PCDH15: variants seen among roughly 807,000 people sequenced by gnomAD.
The protein encoded by PCDH15 is protocadherin related 15.
A neutral mutation model predicts 178.5 loss-of-function variants in PCDH15; 129 were observed. The observed-to-expected ratio is 0.72, with a 90% CI of 0.63 to 0.84. The LOEUF is 0.84. Ranked by LOEUF, PCDH15 falls within the 40% of genes least tolerant of loss-of-function variation. The pLI, the probability that PCDH15 is intolerant of heterozygous loss-of-function variation, is 0.00. For synonymous variants in PCDH15, 800 were observed against 732.0 expected (o/e 1.09, Z -1.50); for missense variants, 2,230 against 2,099.9 (o/e 1.06, Z -1.21).
chr10:54,817,533 CATCACCTCAACATT>C (rs1952967882), intron 3 of PCDH15, among the ~76,000 whole-genome samples: 3 of 152,060 alleles, frequency 2.0e-5, no homozygotes, highest in Admixed American at 2.0e-4. Context: ...TGACCTCGCC[CATCACCTCAACATT>C]GCTGCCTGGA....
In PCDH15 at chr10:54,020,201, C is replaced by T; in HGVS notation, c.2742G>A (p.Val914=). ...TMPPGIATVT[V]IVKDMNDYPP... ...CATCTCTAGCCCTTACCTTTACAATCACTGTGACAGTAGCAATACCAGGTG... is the reference window on the plus strand; with the variant it reads ...CATCTCTAGCCCTTACCTTTACAATTACTGTGACAGTAGCAATACCAGGTG... The change falls in exon 20 of 38, where the codon GTG becomes GTA. Residue 914 remains valine (V), a synonymous_variant. Transcript: ENST00000644397. The T allele has an allele frequency of 1.2e-6, 2 of 1,613,506 alleles. No homozygotes were observed. The highest frequency in any genetic ancestry group is 1.7e-6 in the Non-Finnish European group (2 of 1,179,644).
At chr10:54,860,028 G>T (rs1253976075) in intron 3 of PCDH15, among the ~76,000 whole-genome samples, 1 of 151,966 alleles carries the variant, frequency 6.6e-6, no homozygotes, top group Non-Finnish European at 1.5e-5. Flanking sequence ...TCAGTGCTAA[G>T]CAAAAATGGT....
At chr10:54,398,216 A>G (rs1033836774) in intron 3 of PCDH15, among the ~76,000 whole-genome samples, 5 of 151,066 alleles carry the variant, frequency 3.3e-5, no homozygotes, top group Admixed American at 6.6e-5. Flanking sequence ...CTAAAATTTC[A>G]AAATCTTGCT....
chr10:53,968,766 C>G (rs1295135333), intron 21 of PCDH15, among the ~76,000 whole-genome samples: 1 of 152,170 alleles, frequency 6.6e-6, no homozygotes, highest in East Asian at 1.9e-4. Flanking sequence ...TCCAGCAACT[C>G]CAACAGTCCA....
chr10:55,299,320 C>T (rs1564982889), intron 1 of PCDH15, among the ~76,000 whole-genome samples: 1 of 151,976 alleles, frequency 6.6e-6, no homozygotes, highest in African/African-American at 2.4e-5. Flanking sequence ...TGTGTTGTGG[C>T]TTTTTTAATT....
At chr10:54,596,673 A>C (rs2092257112) in intron 2 of PCDH15, among the ~76,000 whole-genome samples, 1 of 152,158 alleles carries the variant, frequency 6.6e-6, no homozygotes, top group African/African-American at 2.4e-5. Context: ...TAAAGAACCA[A>C]AACACAATTG....
chr10:55,290,865 T>C (rs1842990940), intron 1 of PCDH15, among the ~76,000 whole-genome samples: 1 of 151,874 alleles, frequency 6.6e-6, no homozygotes, highest in Non-Finnish European at 1.5e-5. Flanking sequence ...GAGGAGGAAA[T>C]TTATCTATAT....
chr10:54,021,357 C>G (rs2092915014), intron 19 of PCDH15, among the ~76,000 whole-genome samples: 1 of 151,926 alleles, frequency 6.6e-6, no homozygotes, highest in East Asian at 1.9e-4. Flanking sequence ...GCCTTGGTCT[C>G]CTCCAATCAA....
chr10:54,674,060 G>A (rs2094732863), intron 1 of PCDH15, among the ~76,000 whole-genome samples: 3 of 152,020 alleles, frequency 2.0e-5, no homozygotes. Context: ...CACATTATAT[G>A]AAGTCTAACC....
At chr10:54,508,529 A>G (rs755255633) in intron 3 of PCDH15, among the ~76,000 whole-genome samples, 27 of 152,164 alleles carry the variant, frequency 1.8e-4, no homozygotes, top group African/African-American at 6.5e-4. Flanking sequence ...AAATGTGCTC[A>G]GACCACTTAT....
intron 20 of PCDH15, among the ~76,000 whole-genome samples, chr10:54,012,752 A>G (rs1000411998): frequency 6.6e-6 from 1 of 152,172 alleles, no homozygotes; most frequent in Non-Finnish European, 1.5e-5. Context: ...TTCTAAGGGA[A>G]TTTATTACAA....
chr10:54,693,103 G>A (rs1338316237), intron 1 of PCDH15, among the ~76,000 whole-genome samples: 1 of 151,794 alleles, frequency 6.6e-6, no homozygotes, highest in African/African-American at 2.4e-5. Flanking sequence ...TCATTGTAGA[G>A]TAACTCCCAC....
At chr10:54,403,304 C>T (rs1952177317) in intron 3 of PCDH15, among the ~76,000 whole-genome samples, 1 of 151,882 alleles carries the variant, frequency 6.6e-6, no homozygotes, top group Non-Finnish European at 1.5e-5. Flanking sequence ...GGAAATAAGC[C>T]ATCTCCATAA....
intron 2 of PCDH15, among the ~76,000 whole-genome samples, chr10:55,417,898 G>A (rs1271075311): frequency 6.6e-6 from 1 of 151,284 alleles, no homozygotes; most frequent in African/African-American, 2.4e-5. Context: ...ATAATTTTAT[G>A]CTTAACCAGA....
chr10:54,334,880 C>T (rs1039485681), intron 6 of PCDH15, among the ~76,000 whole-genome samples: 2 of 152,054 alleles, frequency 1.3e-5, no homozygotes, highest in Admixed American at 1.3e-4. Context: ...CTTCCCTTAT[C>T]TTTGTGTCTT....
chr10:55,570,198 G>A (rs966181231), intron 2 of PCDH15, among the ~76,000 whole-genome samples: 4 of 151,690 alleles, frequency 2.6e-5, no homozygotes, highest in Non-Finnish European at 5.9e-5. Context: ...CAGCTTTATC[G>A]TCTGTAATAG....
chr10:55,591,741 A>G (rs1173764578), intron 2 of PCDH15, among the ~76,000 whole-genome samples: 1 of 152,138 alleles, frequency 6.6e-6, no homozygotes, highest in Non-Finnish European at 1.5e-5. Context: ...ACAGCTGTCA[A>G]ACTGCACTGT....
rs550161694 is a variant in PCDH15 at position 54,521,181 on chromosome 10, G to A, written c.157+6631C>T. Among the ~76,000 whole-genome samples, 3 of 152,078 alleles carry A rather than the reference G, an allele frequency of 2.0e-5. No individual in the cohort carries two copies. The East Asian group carries it at 5.8e-4, about 29-fold the overall frequency. ...TACATATGTAACAAACCTGCACATTGTGCACATGTACCCTAAAACTTAAAG... is the reference window on the plus strand; with the variant it reads ...TACATATGTAACAAACCTGCACATTATGCACATGTACCCTAAAACTTAAAG... On this transcript the variant is annotated intron_variant, in intron 3 of 37. Coordinates refer to ENST00000644397, the MANE Select transcript of PCDH15 (RefSeq NM_001384140.1).
At chr10:55,009,870 T>C (rs1840012014) in intron 2 of PCDH15, among the ~76,000 whole-genome samples, 1 of 152,174 alleles carries the variant, frequency 6.6e-6, no homozygotes, top group Non-Finnish European at 1.5e-5. Context: ...TTCTCAGAAC[T>C]GCATACCTCT....
Sources: gnomAD v4.1 joint callset for allele counts (sites outside exome capture counted in the v4.1 genomes callset) on GRCh38, gnomAD v4.1.1 for gene constraint, MANE v1.5 for transcripts, NCBI Gene and HGNC (gene_info 2026-07-23, HGNC 2026-07-21) for gene names.